Variants in GPAT3 observed in about 807,000 individuals in gnomAD.
GPAT3 encodes glycerol-3-phosphate acyltransferase 3, also known as 1-AGP acyltransferase 9.
Under a neutral mutation model 58.8 loss-of-function variants are expected in GPAT3, and 53 were observed. That is an observed-to-expected ratio of 0.90 (90% CI 0.72 to 1.13). The LOEUF (loss-of-function observed/expected upper bound fraction) is 1.13, where lower values mean the gene tolerates loss of function less well. Ranked by LOEUF, GPAT3 falls within the 50% of genes most tolerant of loss-of-function variation. GPAT3 has a pLI of 0.00. For synonymous variants in GPAT3, 197 were observed against 187.4 expected (o/e 1.05, Z -0.42); for missense variants, 511 against 527.6 (o/e 0.97, Z 0.31).
intron 3 of GPAT3, among the ~76,000 whole-genome samples, chr4:83,582,933 T>C (rs1424797389): frequency 2.0e-5 from 3 of 152,224 alleles, no homozygotes; most frequent in Admixed American, 6.5e-5. Context: ...ACAGGGTTCG[T>C]GTACTCTGGG....
intron 2 of GPAT3, among the ~76,000 whole-genome samples, chr4:83,567,229 T>G (rs10012782): frequency 1.3e-5 from 2 of 152,028 alleles, no homozygotes; most frequent in African/African-American, 4.8e-5. Context: ...AGTTGGCATT[T>G]CTATGTGGAT....
At chr4:83,592,737 T>A (rs564640198) in intron 6 of GPAT3, among the ~76,000 whole-genome samples, 51 of 152,220 alleles carry the variant, frequency 3.4e-4, no homozygotes, top group Non-Finnish European at 6.6e-4. Context: ...TATCCACATT[T>A]ACCTGTTGGT....
chr4:83,587,844 AAGG>A (rs1488603549), intron 4 of GPAT3, among the ~76,000 whole-genome samples: 1 of 152,134 alleles, frequency 6.6e-6, no homozygotes, highest in Non-Finnish European at 1.5e-5. Context: ...TGTTTTTTCA[AAGG>A]AGAATTGAAG....
chr4:83,569,187 T>A (rs558641470), intron 2 of GPAT3, among the ~76,000 whole-genome samples: 98 of 152,324 alleles, frequency 6.4e-4, no homozygotes, highest in African/African-American at 2.4e-3. Context: ...TTAAAGCTTA[T>A]GCAATTTAGA....
chr4:83,536,061 G>A, upstream of GPAT3: 1 of 985,462 alleles, frequency 1.0e-6, no homozygotes. Context: ...AGGAGGTGGG[G>A]CGAGGGCAGC....
intron 2 of GPAT3, among the ~76,000 whole-genome samples, chr4:83,578,724 T>C (rs1725908155): frequency 6.6e-6 from 1 of 152,174 alleles, no homozygotes. Flanking sequence ...AAAAGGGTAA[T>C]TCAGTAGGCA....
chr4:83,594,854 G>T lies in GPAT3; in HGVS notation c.748G>T (p.Val250Phe), dbSNP rs754424576. The change falls in exon 7 of 12, where the codon GTT becomes TTT. Residue 250 changes from valine (V) to phenylalanine (F), a missense_variant. Physicochemically the swap from Val to Phe is conservative, Grantham distance 50 (BLOSUM62 -1). Coordinates refer to ENST00000264409, the MANE Select transcript of GPAT3 (RefSeq NM_032717.5). Reference sequence around the variant, plus strand: ...CTTATGCTACTTCTAGGTTGGCCAGGTTCATGGCGGCTTGATGGGAATTAT... The same window carrying T: ...CTTATGCTACTTCTAGGTTGGCCAGTTTCATGGCGGCTTGATGGGAATTAT... ...TDGCYAMVGQ[V>F]HGGLMGIIQR... is the part of the protein sequence containing the mutation. 1.2e-6 allele frequency: 2 copies of T among 1,613,818 alleles called. No homozygotes were observed. Among genetic ancestry groups the T allele is most frequent in the South Asian group, 2.2e-5 (2 of 91,060 alleles).
chr4:83,585,317 A>C (rs1215792912), intron 3 of GPAT3, among the ~76,000 whole-genome samples: 1 of 149,962 alleles, frequency 6.7e-6, no homozygotes, highest in Admixed American at 6.7e-5. Flanking sequence ...TCATGTTATT[A>C]AGTTATAATT....
At chr4:83,564,823 A>G (rs966508612) in intron 2 of GPAT3, among the ~76,000 whole-genome samples, 10 of 152,262 alleles carry the variant, frequency 6.6e-5, no homozygotes, top group African/African-American at 2.4e-4. Flanking sequence ...TTTCATTTAT[A>G]TATAGTCTAA....
At chr4:83,570,141 A>C (rs1235611933) in intron 2 of GPAT3, among the ~76,000 whole-genome samples, 1 of 152,224 alleles carries the variant, frequency 6.6e-6, no homozygotes, top group African/African-American at 2.4e-5. Context: ...AGGCAATAAC[A>C]TATGAGGAAG....
At chr4:83,550,178 C>CT (rs926024650) in intron 2 of GPAT3, among the ~76,000 whole-genome samples, 3 of 151,442 alleles carry the variant, frequency 2.0e-5, no homozygotes, top group African/African-American at 4.9e-5. Context: ...TTTTCTTTTT[C>CT]TTTTTTTTCA....
At chr4:83,601,985 G>A (rs1026917105) in intron 11 of GPAT3, among the ~76,000 whole-genome samples, 5 of 152,260 alleles carry the variant, frequency 3.3e-5, no homozygotes, top group African/African-American at 1.2e-4. Context: ...TAAGGCATAG[G>A]TTAAGACTAA....
chr4:83,537,431 G>A lies in GPAT3; in HGVS notation c.141+668G>A, dbSNP rs545166556. Among the ~76,000 whole-genome samples the A allele has an allele frequency of 5.3e-5, 8 of 152,142 alleles. No homozygotes were observed. In the South Asian group the frequency reaches 1.7e-3, roughly 32 times the overall value. ...GAGAACAACTGCAGCTTACTCTTAG[G>A]GTTTTATTAAGTGTCAAAAGGCTGG... is the stretch of plus-strand genomic sequence containing the variant. On this transcript the variant is annotated intron_variant, in intron 1 of 11. Coordinates refer to ENST00000264409, the MANE Select transcript of GPAT3 (RefSeq NM_032717.5).
At chr4:83,563,144 C>T (rs529405986) in intron 2 of GPAT3, among the ~76,000 whole-genome samples, 2 of 152,310 alleles carry the variant, frequency 1.3e-5, no homozygotes, top group South Asian at 4.1e-4. Flanking sequence ...ACATGCTGAA[C>T]CATCATACTG....
intron 11 of GPAT3, among the ~76,000 whole-genome samples, chr4:83,599,906 A>G (rs1475310865): frequency 2.0e-5 from 3 of 152,330 alleles, no homozygotes; most frequent in Middle Eastern, 3.4e-3. Context: ...AGCTTAATTT[A>G]TAAATTAGTA....
intron 1 of GPAT3, among the ~76,000 whole-genome samples, chr4:83,540,460 G>A (rs773062484): frequency 6.6e-6 from 1 of 152,094 alleles, no homozygotes; most frequent in African/African-American, 2.4e-5. Context: ...TTTGTATTTG[G>A]GTGGATCTGA....
In GPAT3 at chr4:83,536,164, A is replaced by C. The variant is rs1212101751; in HGVS notation, c.-459A>C. On this transcript the variant is annotated 5_prime_UTR_variant, in exon 1 of 12. Transcript: ENST00000264409. ...GCTCCGCCGGCGACCGGTGTGCCAA[A>C]GTGCGGTGCTCCCGCAGGGAACCTG... The C allele has an allele frequency of 2.4e-5, 24 of 985,860 alleles. No homozygotes were observed. Among genetic ancestry groups the C allele is most frequent in the Non-Finnish European group, 2.9e-5 (24 of 830,302 alleles). 61.1% of individuals were successfully genotyped at this position (985,860 alleles called of 1,614,324 possible). A position where few individuals can be genotyped will look rare whatever the true frequency, so the allele number is the denominator to read the frequency against.
At chr4:83,601,564 G>A (rs72938780) in intron 11 of GPAT3, among the ~76,000 whole-genome samples, 7,187 of 152,176 alleles carry the variant, frequency 0.047, 599 homozygotes, top group African/African-American at 0.16. Context: ...ACCAGCCTGG[G>A]CAACATGGCG....
At chr4:83,546,353 T>C (rs1724509351) in intron 2 of GPAT3, among the ~76,000 whole-genome samples, 1 of 151,076 alleles carries the variant, frequency 6.6e-6, no homozygotes, top group South Asian at 2.1e-4. Flanking sequence ...AATCAGTAGA[T>C]GAGAGGGTCT....
Sources: allele counts gnomAD v4.1 joint callset (sites outside exome capture counted in the v4.1 genomes callset), GRCh38; gene constraint gnomAD v4.1.1; transcripts MANE v1.5; gene names NCBI Gene and HGNC (gene_info 2026-07-23, HGNC 2026-07-21).